The following RBMS3 variants were observed in gnomAD, a reference collection of about 807,000 sequenced individuals.
The protein encoded by RBMS3 is RNA binding motif single stranded interacting protein 3, also known as RNA-binding motif, single-stranded-interacting protein 3.
Under a neutral mutation model 66.8 loss-of-function variants are expected in RBMS3, and 27 were observed. That is an observed-to-expected ratio of 0.40 (90% CI 0.30 to 0.56). The LOEUF is 0.56. RBMS3 is among the 20% of genes least tolerant of loss of function. The pLI, the probability that RBMS3 is intolerant of heterozygous loss-of-function variation, is 0.40. For missense variants in RBMS3, 513 were observed against 549.5 expected (o/e 0.93, Z 0.66); for synonymous variants, 188 against 183.0 (o/e 1.03, Z -0.22).
chr3:29,368,799 C>T (rs771191169), intron 1 of RBMS3, among the ~76,000 whole-genome samples: 17 of 152,046 alleles, frequency 1.1e-4, no homozygotes, highest in Admixed American at 2.0e-4. Context: ...AAATACCATT[C>T]GACCCAGCAA....
chr3:29,285,153 A>C (rs1575466175), intron 1 of RBMS3, among the ~76,000 whole-genome samples: 1 of 141,178 alleles, frequency 7.1e-6, no homozygotes, highest in Non-Finnish European at 1.6e-5. Context: ...CACCCTTTCC[A>C]AAAAAAAAAC....
At chr3:29,470,232 G>A (rs2042678423) in intron 2 of RBMS3, among the ~76,000 whole-genome samples, 2 of 151,874 alleles carry the variant, frequency 1.3e-5, no homozygotes, top group South Asian at 4.1e-4. Context: ...TTTTTTGAAT[G>A]TCTGTTTTAA....
chr3:29,441,592 C>T (rs1261790844), intron 2 of RBMS3, among the ~76,000 whole-genome samples: 1 of 152,148 alleles, frequency 6.6e-6, no homozygotes, highest in Non-Finnish European at 1.5e-5. Context: ...TTCGTAATCA[C>T]TGAAACATTC....
Position 29,286,544 on chromosome 3 carries a change from C to A in RBMS3, c.75+4788C>A, listed in dbSNP as rs570344564. ...TTCTAAAGCATTTTCCTTTCACTTT[C>A]TTTCAATTTGGAAAAAAAATAGCAC... On this transcript the variant is annotated intron_variant, in intron 1 of 14. Coordinates refer to ENST00000383767, the MANE Select transcript of RBMS3 (RefSeq NM_001003793.3). Among the ~76,000 whole-genome samples, 275 of 152,048 alleles carry A rather than the reference C, an allele frequency of 1.8e-3. 1 individual carries two copies. Among genetic ancestry groups the A allele is most frequent in the African/African-American group, 6.3e-3 (263 of 41,506 alleles).
At chr3:29,862,864 G>GAAAAAA in intron 6 of RBMS3, among the ~76,000 whole-genome samples, 1 of 91,440 alleles carries the variant, frequency 1.1e-5, no homozygotes, top group Non-Finnish European at 2.4e-5. Flanking sequence ...AAAGAAAAAA[G>GAAAAAA]AAAAAAAAAA....
intron 3 of RBMS3, among the ~76,000 whole-genome samples, chr3:29,495,049 G>A (rs1385175355): frequency 6.8e-6 from 1 of 147,630 alleles, no homozygotes; most frequent in East Asian, 1.9e-4. Context: ...AATCAAAATT[G>A]GAGACAAGTA....
At chr3:29,366,749 C>A (rs2125592876) in intron 1 of RBMS3, among the ~76,000 whole-genome samples, 1 of 152,286 alleles carries the variant, frequency 6.6e-6, no homozygotes, top group East Asian at 1.9e-4. Flanking sequence ...GCCCGAATAG[C>A]AAATCAACTA....
intron 1 of RBMS3, among the ~76,000 whole-genome samples, chr3:29,316,229 A>C (rs898453625): frequency 1.3e-5 from 2 of 151,666 alleles, no homozygotes; most frequent in Non-Finnish European, 3.0e-5. Flanking sequence ...CTATCACCCA[A>C]CCAAACTCTA....
intron 4 of RBMS3, among the ~76,000 whole-genome samples, chr3:29,648,106 A>C (rs561870349): frequency 6.6e-6 from 1 of 152,138 alleles, no homozygotes; most frequent in Non-Finnish European, 1.5e-5. Flanking sequence ...TTGCAATACA[A>C]TCTTAAACCC....
At position 29,868,762 on chromosome 3, in the gene RBMS3, A is replaced by C. The variant is rs1191110268; in HGVS notation, c.638-96A>C. On this transcript the variant is annotated intron_variant, in intron 6 of 14. Coordinates refer to ENST00000383767, the MANE Select transcript of RBMS3 (RefSeq NM_001003793.3). ...CTCTTCAGAAGCAAGATGTTACTTC[A>C]AAAGATACTCATTACAAAGCACTAC... 4.7e-6 allele frequency: 5 copies of C among 1,074,854 alleles called. No homozygotes were observed. In the African/African-American group the frequency reaches 4.8e-5, roughly 10 times the overall value. The allele number at this position is 1,074,854 out of a possible 1,614,324, so 66.6% of individuals were successfully genotyped here.
chr3:29,999,157 A>C (rs1201525919), intron 14 of RBMS3, among the ~76,000 whole-genome samples: 1 of 152,256 alleles, frequency 6.6e-6, no homozygotes, highest in Non-Finnish European at 1.5e-5. Flanking sequence ...AAGACACATG[A>C]AAAAATGCTC....
At position 29,841,291 on chromosome 3, in the gene RBMS3, A is replaced by C. The variant is rs111644478; in HGVS notation, c.638-27567A>C. ...TTTTTTCTTAATCAGTACATTTAAT[A>C]TTTTCAGTAGACCATTCTCAATATA... On this transcript the variant is annotated intron_variant, in intron 6 of 14. Coordinates refer to ENST00000383767, the MANE Select transcript of RBMS3 (RefSeq NM_001003793.3). 5.5e-3 allele frequency among the ~76,000 whole-genome samples: 834 copies of C among 151,984 alleles called. 9 individuals are homozygous for C. The highest frequency in any genetic ancestry group is 0.019 in the African/African-American group (795 of 41,514).
intron 11 of RBMS3, among the ~76,000 whole-genome samples, chr3:29,938,898 C>T (rs992429347): frequency 2.0e-5 from 3 of 151,846 alleles, no homozygotes; most frequent in Non-Finnish European, 4.4e-5. Flanking sequence ...GCTTACATCC[C>T]AGAGATGTTG....
At chr3:29,544,950 T>A (rs1404071347) in intron 3 of RBMS3, among the ~76,000 whole-genome samples, 1 of 152,152 alleles carries the variant, frequency 6.6e-6, no homozygotes, top group Non-Finnish European at 1.5e-5. Flanking sequence ...CAAATCAGAT[T>A]TTATGTAAGT....
intron 8 of RBMS3, among the ~76,000 whole-genome samples, 159 bp from the exon 9 acceptor site, chr3:29,897,220 G>A (rs2149602774): frequency 6.6e-6 from 1 of 151,496 alleles, no homozygotes; most frequent in East Asian, 2.0e-4. Flanking sequence ...TTCTCTTAGT[G>A]GAATCAAATA....
intron 14 of RBMS3, among the ~76,000 whole-genome samples, chr3:29,994,048 C>G (rs1230157721): frequency 1.3e-5 from 2 of 151,872 alleles, no homozygotes; most frequent in African/African-American, 4.8e-5. Context: ...GAGTGCCAGA[C>G]TGGGCGCAGG....
Position 29,992,448 on chromosome 3 carries a change from A to G in RBMS3, c.1307+1239A>G, listed in dbSNP as rs376424558. Reference sequence around the variant, plus strand: ...AAAAATACAAAAAACTTAGCTGGGCATGGTGGCGGGTGCCTGTAGTCCCAC... The same window carrying G: ...AAAAATACAAAAAACTTAGCTGGGCGTGGTGGCGGGTGCCTGTAGTCCCAC... On this transcript the variant is annotated intron_variant, in intron 14 of 14. Coordinates refer to ENST00000383767, the MANE Select transcript of RBMS3 (RefSeq NM_001003793.3). 3.4e-3 allele frequency among the ~76,000 whole-genome samples: 518 copies of G among 152,064 alleles called. 3 individuals are homozygous for G. Among genetic ancestry groups the G allele is most frequent in the African/African-American group, 0.012 (500 of 41,526 alleles).
chr3:29,425,225 A>AAC (rs1559350814), intron 1 of RBMS3, among the ~76,000 whole-genome samples: 1 of 151,236 alleles, frequency 6.6e-6, no homozygotes, highest in African/African-American at 2.4e-5. Context: ...ACAAAAAAAA[A>AAC]AAAACAGGCG....
chr3:29,337,844 T>C (rs1458862886), intron 1 of RBMS3, among the ~76,000 whole-genome samples: 1 of 152,172 alleles, frequency 6.6e-6, no homozygotes, highest in African/African-American at 2.4e-5. Context: ...TTAGGGGACA[T>C]GTTTGATAAG....
Sources: allele counts gnomAD v4.1 joint callset (sites outside exome capture counted in the v4.1 genomes callset), GRCh38; gene constraint gnomAD v4.1.1; transcripts MANE v1.5; gene names NCBI Gene and HGNC (gene_info 2026-07-23, HGNC 2026-07-21).